CDH18: variants seen among roughly 807,000 people sequenced by gnomAD.
CDH18 encodes the protein cadherin 18.
A neutral mutation model predicts 67.9 loss-of-function variants in CDH18; 31 were observed. The ratio of observed to expected loss-of-function variants is 0.46; its 90% CI spans 0.34 to 0.62. The LOEUF (loss-of-function observed/expected upper bound fraction) is 0.62. Among genes scored for constraint, CDH18 ranks in the 20% least tolerant of loss-of-function variants. The probability of loss-of-function intolerance (pLI) is 0.01; values close to 1 mark genes in which losing one functional copy is unlikely to be tolerated. For missense variants in CDH18, 890 were observed against 975.5 expected (o/e 0.91, Z 1.17); for synonymous variants, 362 against 347.2 (o/e 1.04, Z -0.48).
intron 2 of CDH18, among the ~76,000 whole-genome samples, chr5:20,102,819 C>T (rs748561228): frequency 6.6e-6 from 1 of 151,250 alleles, no homozygotes; most frequent in Non-Finnish European, 1.5e-5. Context: ...TTTAATTTAG[C>T]TGAAAAAAAA....
chr5:20,564,260 T>TTTTATTTATTTATTTATTTATTTATTTA lies in CDH18; in HGVS notation c.-580+11174_-580+11201dup, dbSNP rs3039398. Among the ~76,000 whole-genome samples the TTTTATTTATTTATTTATTTATTTATTTA allele has an allele frequency of 2.3e-4, 32 of 141,650 alleles. 1 individual carries two copies. The East Asian group carries it at 2.7e-3, about 12-fold the overall frequency. The allele number at this position is 141,650 out of a possible 152,430, so 92.9% of individuals were successfully genotyped here. A position where few individuals can be genotyped will look rare whatever the true frequency, so the allele number is the denominator to read the frequency against. Reference sequence around the variant, plus strand: ...ATTATTTCTTGCATTATTATCACAGTTTTATTTATTTATTTATTTATTTAT... The same window carrying TTTTATTTATTTATTTATTTATTTATTTA: ...ATTATTTCTTGCATTATTATCACAGTTTTATTTATTTATTTATTTATTTATTTATTTATTTATTTATTTATTTATTTAT... On this transcript the variant is annotated intron_variant, in intron 1 of 14. Coordinates refer to the CDH18 transcript ENST00000507958.
chr5:20,004,398 A>G (rs1382153166), intron 2 of CDH18, among the ~76,000 whole-genome samples: 3 of 152,218 alleles, frequency 2.0e-5, no homozygotes, highest in Non-Finnish European at 4.4e-5. Context: ...CTAAATATCC[A>G]GCTCCTTCCA....
intron 1 of CDH18, among the ~76,000 whole-genome samples, chr5:20,413,056 G>A (rs949064495): frequency 4.6e-5 from 7 of 152,138 alleles, no homozygotes; most frequent in African/African-American, 9.7e-5. Flanking sequence ...GTAAGAACGC[G>A]CAGCGTTTGG....
chr5:20,330,711 C>A (rs553269653), intron 1 of CDH18, among the ~76,000 whole-genome samples: 2 of 152,220 alleles, frequency 1.3e-5, no homozygotes, highest in African/African-American at 2.4e-5. Context: ...ACAGCCCACA[C>A]CAAGGGAAGA....
chr5:20,269,794 T>TA (rs1329846568), intron 1 of CDH18, among the ~76,000 whole-genome samples: 2 of 152,208 alleles, frequency 1.3e-5, no homozygotes, highest in African/African-American at 4.8e-5. Context: ...AGGTGACAGA[T>TA]ACTCTAGAAG....
chr5:20,511,966 C>T (rs746241270), intron 1 of CDH18, among the ~76,000 whole-genome samples: 4 of 152,218 alleles, frequency 2.6e-5, no homozygotes, highest in East Asian at 3.9e-4. Context: ...TGGTGGCTCA[C>T]GCCGAGCACT....
chr5:20,227,362 A>G (rs1741714697), intron 2 of CDH18, among the ~76,000 whole-genome samples: 1 of 151,730 alleles, frequency 6.6e-6, no homozygotes, highest in Admixed American at 6.6e-5. Flanking sequence ...TTATTTCCAC[A>G]CTCCACAAAC....
chr5:19,892,159 A>T (rs1057494736), intron 2 of CDH18, among the ~76,000 whole-genome samples: 1 of 152,180 alleles, frequency 6.6e-6, no homozygotes, highest in Non-Finnish European at 1.5e-5. Context: ...GTTTAACTCT[A>T]TTGCAAATAA....
intron 2 of CDH18, among the ~76,000 whole-genome samples, chr5:19,860,039 A>C (rs184615824): frequency 7.4e-6 from 1 of 134,644 alleles, no homozygotes; most frequent in Non-Finnish European, 1.6e-5. Flanking sequence ...AGTATTCTTA[A>C]GAATAAATGT....
At chr5:19,766,437 T>C (rs11957202) in intron 3 of CDH18, among the ~76,000 whole-genome samples, 16,395 of 152,158 alleles carry the variant, frequency 0.11, 2,134 homozygotes, top group African/African-American at 0.3. Context: ...TACCACTGGG[T>C]TCATTCATAC....
intron 5 of CDH18, among the ~76,000 whole-genome samples, chr5:19,651,347 A>G (rs1472647746): frequency 6.6e-6 from 1 of 152,132 alleles, no homozygotes; most frequent in Non-Finnish European, 1.5e-5. Flanking sequence ...AATGTGTTCA[A>G]CAGAATTGCT....
intron 1 of CDH18, among the ~76,000 whole-genome samples, chr5:20,418,110 T>C (rs1239620489): frequency 6.6e-6 from 1 of 152,014 alleles, no homozygotes; most frequent in Non-Finnish European, 1.5e-5. Flanking sequence ...CTCTTGCTGT[T>C]GTCGGCCGGG....
chr5:19,997,951 T>C (rs757833034), intron 2 of CDH18, among the ~76,000 whole-genome samples: 2 of 152,050 alleles, frequency 1.3e-5, no homozygotes, highest in Non-Finnish European at 2.9e-5. Flanking sequence ...GACAGGGTGT[T>C]TAAAGATGTT....
At chr5:20,205,457 A>C (rs1561876006) in intron 2 of CDH18, among the ~76,000 whole-genome samples, 1 of 152,064 alleles carries the variant, frequency 6.6e-6, no homozygotes, top group South Asian at 2.1e-4. Flanking sequence ...CCCCACTGTC[A>C]GTAATGGACA....
chr5:20,351,226 C>T (rs1436755827), intron 1 of CDH18, among the ~76,000 whole-genome samples: 1 of 141,978 alleles, frequency 7.0e-6, no homozygotes, highest in Non-Finnish European at 1.5e-5. Flanking sequence ...TCTCCTTCTA[C>T]CAGAATGTCA....
chr5:20,503,170 T>G lies in CDH18; in HGVS notation c.-580+72292A>C, dbSNP rs1167600590. ...GTATAGTTTCATAATATCTATAATCTTTTAGACAAACACAAATTTAAAAAA... is the reference window on the plus strand; with the variant it reads ...GTATAGTTTCATAATATCTATAATCGTTTAGACAAACACAAATTTAAAAAA... On this transcript the variant is annotated intron_variant, in intron 1 of 14. Transcript: ENST00000507958. Among the ~76,000 whole-genome samples the G allele has an allele frequency of 3.7e-5, 5 of 133,872 alleles. No individual in the cohort carries two copies. In the East Asian group the frequency reaches 1.2e-3, roughly 31 times the overall value. 87.8% of individuals were successfully genotyped at this position (133,872 alleles called of 152,430 possible). A position where few individuals can be genotyped will look rare whatever the true frequency, so the allele number is the denominator to read the frequency against.
intron 2 of CDH18, among the ~76,000 whole-genome samples, chr5:20,218,627 G>A (rs886174778): frequency 4.6e-5 from 7 of 151,966 alleles, no homozygotes; most frequent in African/African-American, 7.2e-5. Flanking sequence ...TTGAATCATG[G>A]GGGCAGTTTC....
intron 1 of CDH18, among the ~76,000 whole-genome samples, chr5:20,382,891 C>G (rs1018513437): frequency 6.6e-6 from 1 of 151,954 alleles, no homozygotes; most frequent in Non-Finnish European, 1.5e-5. Context: ...CTTTCATTTC[C>G]CATGCTCCTA....
At chr5:19,842,028 G>A (rs897620731) in intron 2 of CDH18, among the ~76,000 whole-genome samples, 1 of 152,142 alleles carries the variant, frequency 6.6e-6, no homozygotes, top group African/African-American at 2.4e-5. Flanking sequence ...CTGCATTACT[G>A]CAAGAAATCC....
Sources: allele counts gnomAD v4.1 joint callset (sites outside exome capture counted in the v4.1 genomes callset), GRCh38; gene constraint gnomAD v4.1.1; transcripts MANE v1.5; gene names NCBI Gene and HGNC (gene_info 2026-07-23, HGNC 2026-07-21).